The following IPO11 variants were observed in gnomAD, a reference collection of about 807,000 sequenced individuals.
IPO11 encodes importin-11.
Under a neutral mutation model 143.2 loss-of-function variants are expected in IPO11, and 66 were observed. That is an observed-to-expected ratio of 0.46 (90% CI 0.38 to 0.57). The LOEUF is 0.57. IPO11 is among the 20% of genes least tolerant of loss of function. IPO11 has a pLI of 0.00. For missense variants in IPO11, 1,026 were observed against 1,141.0 expected (o/e 0.90, Z 1.45); for synonymous variants, 385 against 377.8 (o/e 1.02, Z -0.22).
intron 29 of IPO11, among the ~76,000 whole-genome samples, chr5:62,620,396 G>A (rs1746307405): frequency 6.6e-6 from 1 of 151,950 alleles, no homozygotes; most frequent in African/African-American, 2.4e-5. Context: ...GCGGGTGCCT[G>A]TAGTCCCAGC....
At chr5:62,553,432 C>A (rs577147733) in intron 26 of IPO11, among the ~76,000 whole-genome samples, 8 of 151,838 alleles carry the variant, frequency 5.3e-5, no homozygotes, top group Admixed American at 5.3e-4. Flanking sequence ...CTATTCTGAA[C>A]AGTGCTGTAA....
At chr5:62,525,436 G>C (rs992928309) in intron 20 of IPO11, among the ~76,000 whole-genome samples, 5 of 151,536 alleles carry the variant, frequency 3.3e-5, no homozygotes, top group Non-Finnish European at 7.4e-5. Context: ...TTGGAGTGCA[G>C]TGGTGGGATC....
rs576434450 is a variant in IPO11 at position 62,434,215 on chromosome 5, T to C, written c.-6-3059T>C. On this transcript the variant is annotated intron_variant, in intron 1 of 29. Transcript: ENST00000325324. ...CTGATCCTTGCATGGGTTTCTCTTG[T>C]CATTCACGTCTCTCATAAATGTCAC... 3.9e-5 allele frequency among the ~76,000 whole-genome samples: 6 copies of C among 152,290 alleles called. No individual in the cohort carries two copies. The East Asian group carries it at 9.6e-4, about 24-fold the overall frequency.
intron 24 of IPO11, among the ~76,000 whole-genome samples, chr5:62,544,481 C>T (rs1331655714): frequency 6.6e-6 from 1 of 152,106 alleles, no homozygotes; most frequent in Non-Finnish European, 1.5e-5. Flanking sequence ...ATGACAAACC[C>T]ACAGCCAATA....
Position 62,580,905 on chromosome 5 carries a change from T to C in IPO11, c.2583-10672T>C, listed in dbSNP as rs1238380531. ...TGTTACCTGTGCAAATACAACTTAC[T>C]ACTTCTGTTACCTTGAACTTGGAAA... On this transcript the variant is annotated intron_variant, in intron 27 of 29. Coordinates refer to ENST00000325324, the MANE Select transcript of IPO11 (RefSeq NM_016338.5). The C allele has an allele frequency of 1.9e-6, 3 of 1,551,384 alleles. No homozygotes were observed. The Admixed American group carries it at 5.9e-5, about 30-fold the overall frequency.
At chr5:62,416,698 C>T (rs1261176635) in intron 1 of IPO11, among the ~76,000 whole-genome samples, 2 of 150,260 alleles carry the variant, frequency 1.3e-5, no homozygotes, top group East Asian at 2.0e-4. Flanking sequence ...TTTAAGCATA[C>T]CCAAGTCTCT....
At chr5:62,449,834 A>T (rs1195433767) in intron 3 of IPO11, 93 bp from the exon 4 acceptor site, 1 of 751,692 alleles carries the variant, frequency 1.3e-6, no homozygotes, top group African/African-American at 1.8e-5. Context: ...CACATGTTTG[A>T]AAGGCTTTTT....
At position 62,542,477 on chromosome 5, in the gene IPO11, G is replaced by C. The variant is rs143455174; in HGVS notation, c.2250+5188G>C. ...GCAATAACAATAGTTTTTAATATTA[G>C]CTCATTTTCGTTTTTAGTATCTCTC... On this transcript the variant is annotated intron_variant, in intron 24 of 29. Transcript: ENST00000325324. Among the ~76,000 whole-genome samples the C allele has an allele frequency of 3.2e-4, 49 of 152,056 alleles. 1 individual carries two copies. The East Asian group carries it at 8.3e-3, about 26-fold the overall frequency.
intron 27 of IPO11, among the ~76,000 whole-genome samples, chr5:62,574,255 C>T (rs181075691): frequency 2.0e-4 from 30 of 152,300 alleles, no homozygotes; most frequent in Admixed American, 1.7e-3. Context: ...TTAGCTCTCT[C>T]ATAGCCTTAT....
chr5:62,584,824 T>G (rs984024607), intron 27 of IPO11, among the ~76,000 whole-genome samples: 2 of 151,726 alleles, frequency 1.3e-5, no homozygotes, highest in African/African-American at 4.8e-5. Flanking sequence ...GGCCGCACAC[T>G]TTTAATGTGG....
intron 1 of IPO11, among the ~76,000 whole-genome samples, chr5:62,419,669 T>C (rs138184301): frequency 6.6e-6 from 1 of 152,090 alleles, no homozygotes; most frequent in East Asian, 1.9e-4. Flanking sequence ...CTTTTTTTTT[T>C]AATAGGAGTA....
intron 3 of IPO11, among the ~76,000 whole-genome samples, chr5:62,444,097 CTTTTTT>C (rs533439906): frequency 1.4e-5 from 2 of 139,202 alleles, no homozygotes; most frequent in African/African-American, 2.6e-5. Flanking sequence ...ATGTCTTTTT[CTTTTTT>C]TTTTTTTTTT....
chr5:62,513,782 C>A (rs1741887164), intron 19 of IPO11, among the ~76,000 whole-genome samples: 1 of 151,542 alleles, frequency 6.6e-6, no homozygotes, highest in Non-Finnish European at 1.5e-5. Context: ...GGAGACGCTC[C>A]TCACTTCCCA....
intron 5 of IPO11, among the ~76,000 whole-genome samples, chr5:62,465,438 C>T (rs919961224): frequency 6.6e-5 from 10 of 152,138 alleles, no homozygotes; most frequent in Non-Finnish European, 1.5e-4. Context: ...AAGCTTTTTT[C>T]CCACTTTTTA....
intron 3 of IPO11, among the ~76,000 whole-genome samples, chr5:62,445,644 T>C (rs2112150363): frequency 6.6e-6 from 1 of 152,302 alleles, no homozygotes; most frequent in East Asian, 1.9e-4. Flanking sequence ...ACATGAGATA[T>C]TTATTACTTT....
intron 16 of IPO11, among the ~76,000 whole-genome samples, chr5:62,498,288 C>A (rs551627618): frequency 1.0e-3 from 157 of 152,164 alleles, no homozygotes; most frequent in African/African-American, 3.6e-3. Flanking sequence ...AATTTGAGAA[C>A]TACTGACCTG....
At chr5:62,504,581 T>A in intron 16 of IPO11, 86 bp from the exon 17 acceptor site, 1 of 743,782 alleles carries the variant, frequency 1.3e-6, no homozygotes, top group Non-Finnish European at 2.2e-6. Flanking sequence ...GTACAGAAAG[T>A]GATTTGGAAT....
chr5:62,627,081 A>T (rs1348264627), intron 29 of IPO11, 73 bp from the exon 30 acceptor site: 1 of 1,344,668 alleles, frequency 7.4e-7, no homozygotes, highest in Non-Finnish European at 1.0e-6. Flanking sequence ...ATTACAAAGA[A>T]CTTTTGTAAA....
intron 29 of IPO11, among the ~76,000 whole-genome samples, chr5:62,614,969 A>G (rs1035893532): frequency 6.6e-6 from 1 of 152,050 alleles, no homozygotes; most frequent in Non-Finnish European, 1.5e-5. Context: ...CCAGTGGCCA[A>G]TCTCCTTTCC....
Sources: allele counts gnomAD v4.1 joint callset (sites outside exome capture counted in the v4.1 genomes callset), GRCh38; gene constraint gnomAD v4.1.1; transcripts MANE v1.5; gene names NCBI Gene and HGNC (gene_info 2026-07-23, HGNC 2026-07-21).